Variants in SPMIP2 observed in about 807,000 individuals in gnomAD.
SPMIP2 encodes protein SPMIP2.
the SPMIP2 span, among the ~76,000 whole-genome samples, chr4:159,048,365 C>G: frequency 6.6e-6 from 1 of 152,206 alleles, no homozygotes; most frequent in Non-Finnish European, 1.5e-5. Flanking sequence ...GCTGCTCTCA[C>G]GGCGCATGTT....
At chr4:158,917,848 A>G in the SPMIP2 span, among the ~76,000 whole-genome samples, 1 of 150,174 alleles carries the variant, frequency 6.7e-6, no homozygotes, top group African/African-American at 2.5e-5. Context: ...CAGCCTCCCA[A>G]GTAGCTGGGA....
At chr4:158,944,989 C>G in the SPMIP2 span, among the ~76,000 whole-genome samples, 14 of 152,278 alleles carry the variant, frequency 9.2e-5, no homozygotes, top group African/African-American at 3.4e-4. Context: ...TAAATTCCTT[C>G]CTGGCTTTCC....
the SPMIP2 span, among the ~76,000 whole-genome samples, chr4:158,896,243 A>C: frequency 6.6e-6 from 1 of 152,064 alleles, no homozygotes; most frequent in African/African-American, 2.4e-5. Flanking sequence ...TTCCTGGAGG[A>C]GGAGTAGGTT....
chr4:158,905,317 ATG>A, the SPMIP2 span: 1 of 152,200 alleles, frequency 6.6e-6, no homozygotes, highest in East Asian at 1.9e-4. Context: ...CTGAAACCGT[ATG>A]TTTTATCCTT....
the SPMIP2 span, among the ~76,000 whole-genome samples, chr4:159,002,371 T>C: frequency 6.6e-6 from 1 of 152,180 alleles, no homozygotes; most frequent in African/African-American, 2.4e-5. Context: ...TTTACTTTAT[T>C]AATTTATTCT....
chr4:158,970,371 T>C, the SPMIP2 span, among the ~76,000 whole-genome samples: 1 of 151,964 alleles, frequency 6.6e-6, no homozygotes, highest in Non-Finnish European at 1.5e-5. Context: ...ACCTTGTCTC[T>C]ACTAAAAAAT....
chr4:158,918,125 G>A, the SPMIP2 span, among the ~76,000 whole-genome samples: 1 of 152,122 alleles, frequency 6.6e-6, no homozygotes, highest in East Asian at 1.9e-4. Flanking sequence ...TATCTCATTC[G>A]TCATTGGCTC....
At chr4:158,985,652 C>T in the SPMIP2 span, among the ~76,000 whole-genome samples, 1 of 152,114 alleles carries the variant, frequency 6.6e-6, no homozygotes, top group Non-Finnish European at 1.5e-5. Context: ...TAAGAGCTAT[C>T]TATGACAAAC....
chr4:158,980,891 G>A, the SPMIP2 span, among the ~76,000 whole-genome samples: 1 of 152,136 alleles, frequency 6.6e-6, no homozygotes, highest in Admixed American at 6.5e-5. Context: ...GCCTCAAAGG[G>A]TGAGTAATAA....
At chr4:158,981,267 G>C in the SPMIP2 span, among the ~76,000 whole-genome samples, 1 of 152,194 alleles carries the variant, frequency 6.6e-6, no homozygotes, top group Non-Finnish European at 1.5e-5. Flanking sequence ...ATGGAACCAA[G>C]TTGGAAAACA....
chr4:159,011,742 G>A, the SPMIP2 span, among the ~76,000 whole-genome samples: 5 of 110,246 alleles, frequency 4.5e-5, no homozygotes, highest in African/African-American at 1.5e-4. Flanking sequence ...CAACAAGATC[G>A]AAACTCCATC....
the SPMIP2 span, among the ~76,000 whole-genome samples, chr4:159,030,728 CT>C: frequency 6.6e-6 from 1 of 152,072 alleles, no homozygotes; most frequent in Non-Finnish European, 1.5e-5. Context: ...AACCCCTGAC[CT>C]TAAGTGATCC....
At chr4:159,014,770 T>C in the SPMIP2 span, among the ~76,000 whole-genome samples, 3 of 151,850 alleles carry the variant, frequency 2.0e-5, no homozygotes, top group Admixed American at 6.6e-5. Flanking sequence ...AAGAATTATC[T>C]CAGGCCACAC....
At chr4:158,987,739 C>T in the SPMIP2 span, among the ~76,000 whole-genome samples, 95,582 of 151,732 alleles carry the variant, frequency 0.63, 30,455 homozygotes, top group Middle Eastern at 0.71. Context: ...TGTAACTAAC[C>T]TGCACATTGT....
At chr4:158,968,674 C>T in the SPMIP2 span, among the ~76,000 whole-genome samples, 1 of 152,170 alleles carries the variant, frequency 6.6e-6, no homozygotes, top group Non-Finnish European at 1.5e-5. Context: ...CCTGTTGATA[C>T]CTCAGTTTCC....
At chr4:159,078,130 G>A in the SPMIP2 span, among the ~76,000 whole-genome samples, 1 of 152,090 alleles carries the variant, frequency 6.6e-6, no homozygotes, top group Non-Finnish European at 1.5e-5. Context: ...AAAATTAAAT[G>A]GAAAGTAAAG....
the SPMIP2 span, chr4:159,007,589 A>C: frequency 9.1e-7 from 1 of 1,104,744 alleles, no homozygotes; most frequent in Non-Finnish European, 1.3e-6. Flanking sequence ...GCAAAGTGGA[A>C]GCTTTCCAGA....
chr4:158,924,504 C>G, the SPMIP2 span, among the ~76,000 whole-genome samples: 1 of 152,132 alleles, frequency 6.6e-6, no homozygotes. Context: ...CTCAGCCTCC[C>G]AAGTAGCTGG....
the SPMIP2 span, among the ~76,000 whole-genome samples, chr4:158,985,182 A>G: frequency 2.5e-3 from 364 of 143,898 alleles, 2 homozygotes; most frequent in African/African-American, 8.8e-3. Context: ...AGATGGATTC[A>G]CAGCCGAATT....
Sources: allele counts gnomAD v4.1 joint callset (sites outside exome capture counted in the v4.1 genomes callset), GRCh38; gene constraint gnomAD v4.1.1; transcripts MANE v1.5; gene names NCBI Gene and HGNC (gene_info 2026-07-23, HGNC 2026-07-21).